ACAP2: variants seen among roughly 807,000 people sequenced by gnomAD.
ACAP2 encodes the protein arf-GAP with coiled-coil, ANK repeat and PH domain-containing protein 2.
ACAP2 carries 39 observed loss-of-function variants against 115.8 expected under a neutral mutation model. That is an observed-to-expected ratio of 0.34 (90% CI 0.26 to 0.44). The LOEUF is 0.44. ACAP2 is among the 20% of genes least tolerant of loss of function. The pLI is 1.00. For missense variants in ACAP2, 662 were observed against 927.6 expected (o/e 0.71, Z 3.72); for synonymous variants, 289 against 315.8 (o/e 0.92, Z 0.90).
intron 16 of ACAP2, among the ~76,000 whole-genome samples, chr3:195,296,439 T>C (rs1337825092): frequency 6.6e-6 from 1 of 152,202 alleles, no homozygotes; most frequent in East Asian, 1.9e-4. Context: ...TATATCCTCT[T>C]AAAAAGTTTA....
intron 2 of ACAP2, 107 bp from the exon 3 acceptor site, chr3:195,382,129 T>C (rs1287262991): frequency 9.9e-7 from 1 of 1,013,338 alleles, no homozygotes; most frequent in East Asian, 2.7e-5. Context: ...AAGTTCAATT[T>C]GTTTCATCGA....
At chr3:195,434,161 G>A (rs149976698) in intron 1 of ACAP2, among the ~76,000 whole-genome samples, 11 of 152,132 alleles carry the variant, frequency 7.2e-5, no homozygotes, top group African/African-American at 1.7e-4. Context: ...ACTCCTGGAC[G>A]CAAGCAATCC....
At chr3:195,425,026 CAAA>C (rs10690317) in intron 1 of ACAP2, among the ~76,000 whole-genome samples, 5 of 26,648 alleles carry the variant, frequency 1.9e-4, no homozygotes, top group East Asian at 9.6e-4. Flanking sequence ...GACTCCGTCT[CAAA>C]AAAAAAAAAA....
intron 17 of ACAP2, chr3:195,295,466 C>A: frequency 1.8e-6 from 1 of 565,902 alleles, no homozygotes. Flanking sequence ...TTCCCATCTC[C>A]CCTTGCATTT....
chr3:195,296,697 A>G (rs1727676145), intron 16 of ACAP2, among the ~76,000 whole-genome samples: 2 of 152,200 alleles, frequency 1.3e-5, no homozygotes, highest in African/African-American at 4.8e-5. Flanking sequence ...GAATAATTTC[A>G]AACACAGCAA....
intron 4 of ACAP2, among the ~76,000 whole-genome samples, chr3:195,352,909 C>G (rs560268224): frequency 6.6e-6 from 1 of 152,010 alleles, no homozygotes; most frequent in South Asian, 2.1e-4. Flanking sequence ...GGTGAAACCC[C>G]AACTCTACTA....
At chr3:195,423,815 G>A (rs1316081360) in intron 1 of ACAP2, among the ~76,000 whole-genome samples, 23 of 151,792 alleles carry the variant, frequency 1.5e-4, no homozygotes, top group Admixed American at 1.4e-3. Context: ...CATGTGTCAT[G>A]AAATTTTTTT....
intron 4 of ACAP2, among the ~76,000 whole-genome samples, chr3:195,359,678 A>G (rs533431487): frequency 6.6e-6 from 1 of 152,186 alleles, no homozygotes. Flanking sequence ...CGTGTTAGCC[A>G]GGATGGTCTC....
intron 2 of ACAP2, among the ~76,000 whole-genome samples, chr3:195,383,021 T>C (rs974398138): frequency 1.3e-5 from 2 of 152,102 alleles, no homozygotes; most frequent in African/African-American, 4.8e-5. Flanking sequence ...GTATATAATA[T>C]GTAGCAATTC....
In ACAP2 at chr3:195,356,767, G is replaced by A. The variant is rs144359702; in HGVS notation, c.286-11450C>T. Among the ~76,000 whole-genome samples, 871 of 151,958 alleles carry A rather than the reference G, an allele frequency of 5.7e-3. 8 individuals are homozygous for A. Among genetic ancestry groups the A allele is most frequent in the Non-Finnish European group, 5.6e-3 (383 of 67,998 alleles). On this transcript the variant is annotated intron_variant, in intron 4 of 22. Coordinates refer to ENST00000326793, the MANE Select transcript of ACAP2 (RefSeq NM_012287.6). ...AACCTGAAGGGAAGGATCAAGTCCA[G>A]GAAGAATTCACCACTTGCTGACTAA...
intron 4 of ACAP2, chr3:195,350,111 A>G (rs1283189437): frequency 6.5e-6 from 1 of 154,020 alleles, no homozygotes; most frequent in Non-Finnish European, 1.4e-5. Flanking sequence ...AGTAACACAT[A>G]TACTATTCAG....
At chr3:195,329,829 T>C (rs1156234066) in intron 8 of ACAP2, among the ~76,000 whole-genome samples, 2 of 152,232 alleles carry the variant, frequency 1.3e-5, no homozygotes, top group Admixed American at 1.3e-4. Flanking sequence ...TCTCCTGTTT[T>C]TCCACTTCCT....
At chr3:195,433,050 C>T (rs116389062) in intron 1 of ACAP2, among the ~76,000 whole-genome samples, 234 of 152,268 alleles carry the variant, frequency 1.5e-3, no homozygotes, top group African/African-American at 5.4e-3. Context: ...TATATACCTT[C>T]ATCCCTTGGT....
At chr3:195,427,782 G>A (rs1478360659) in intron 1 of ACAP2, among the ~76,000 whole-genome samples, 3 of 151,968 alleles carry the variant, frequency 2.0e-5, no homozygotes, top group Non-Finnish European at 2.9e-5. Context: ...GTAGTGGTGT[G>A]CACCTGTGTT....
At chr3:195,290,872 T>TAAATAAAA (rs1308172852) in intron 20 of ACAP2, among the ~76,000 whole-genome samples, 2 of 149,942 alleles carry the variant, frequency 1.3e-5, no homozygotes, top group African/African-American at 2.5e-5. Context: ...AATAAATAAA[T>TAAATAAAA]AAAAATAGCC....
At chr3:195,350,393 C>T (rs947096480) in intron 4 of ACAP2, among the ~76,000 whole-genome samples, 2 of 152,080 alleles carry the variant, frequency 1.3e-5, no homozygotes, top group African/African-American at 4.8e-5. Context: ...GGTACAGTGG[C>T]TCACGTCTGT....
intron 17 of ACAP2, chr3:195,295,492 C>T: frequency 3.2e-6 from 2 of 620,214 alleles, no homozygotes; most frequent in Non-Finnish European, 5.5e-6. Flanking sequence ...AGTTTTATTC[C>T]TTAGAATATA....
Position 195,306,509 on chromosome 3 carries a change from A to C in ACAP2, c.1116+2T>G. The C allele has an allele frequency of 3.1e-6, 5 of 1,598,100 alleles. No homozygotes were observed. The highest frequency in any genetic ancestry group is 4.3e-6 in the Non-Finnish European group (5 of 1,172,308). ...TCTGGTATTGCTAATACCTCTACTAACCTCTGATTCATCACCCTTCTCTCT... is the reference window on the plus strand; with the variant it reads ...TCTGGTATTGCTAATACCTCTACTACCCTCTGATTCATCACCCTTCTCTCT... On this transcript the variant is annotated splice_donor_variant, in intron 13 of 22. Transcript: ENST00000326793. LOFTEE classifies it high-confidence loss of function.
At chr3:195,328,466 C>T (rs924377862) in intron 8 of ACAP2, among the ~76,000 whole-genome samples, 5 of 151,976 alleles carry the variant, frequency 3.3e-5, no homozygotes, top group East Asian at 1.9e-4. Context: ...TTATAAAGTA[C>T]GTGATACAGG....
Sources: gnomAD v4.1 joint callset for allele counts (sites outside exome capture counted in the v4.1 genomes callset) on GRCh38, gnomAD v4.1.1 for gene constraint, MANE v1.5 for transcripts, NCBI Gene and HGNC (gene_info 2026-07-23, HGNC 2026-07-21) for gene names.